PDS5B: variants seen among roughly 807,000 people sequenced by gnomAD.
The protein encoded by PDS5B is PDS5 cohesin associated factor B.
Under a neutral mutation model 184.1 loss-of-function variants are expected in PDS5B, and 51 were observed. The ratio of observed to expected loss-of-function variants is 0.28; its 90% CI spans 0.22 to 0.35. The LOEUF is 0.35. PDS5B is among the 10% of genes least tolerant of loss of function. The probability of loss-of-function intolerance (pLI) is 1.00; values close to 1 mark genes in which losing one functional copy is unlikely to be tolerated. For synonymous variants in PDS5B, 566 were observed against 569.2 expected (o/e 0.99, Z 0.08); for missense variants, 1,180 against 1,723.3 (o/e 0.68, Z 5.58).
At chr13:32,632,022 A>G (rs947493458) in intron 1 of PDS5B, among the ~76,000 whole-genome samples, 4 of 152,218 alleles carry the variant, frequency 2.6e-5, no homozygotes, top group Admixed American at 2.6e-4. Context: ...ATGCAAAAGA[A>G]TTAAGTTGGA....
intron 3 of PDS5B, 98 bp from the exon 4 acceptor site, chr13:32,658,141 A>T (rs1950563056): frequency 1.8e-5 from 11 of 611,704 alleles, no homozygotes. Context: ...GTTTATTATG[A>T]TATGTACACA....
At chr13:32,692,047 A>G (rs188664601) in intron 13 of PDS5B, among the ~76,000 whole-genome samples, 1 of 152,208 alleles carries the variant, frequency 6.6e-6, no homozygotes, top group Admixed American at 6.6e-5. Flanking sequence ...TCCTGAAGTC[A>G]TTTGAATATA....
At chr13:32,688,282 C>G (rs1159473301) in intron 12 of PDS5B, among the ~76,000 whole-genome samples, 174 bp from the exon 13 acceptor site, 1 of 151,874 alleles carries the variant, frequency 6.6e-6, no homozygotes, top group Non-Finnish European at 1.5e-5. Context: ...CAGCTAAATC[C>G]TGTTTTGGTC....
At chr13:32,631,682 A>T (rs1343926928) in intron 1 of PDS5B, among the ~76,000 whole-genome samples, 1 of 152,220 alleles carries the variant, frequency 6.6e-6, no homozygotes, top group African/African-American at 2.4e-5. Context: ...TTTTTTGTGA[A>T]AATTAGGAGT....
rs779507292 is a variant in PDS5B at position 32,683,869 on chromosome 13, A to T, written c.1058-9A>T. On this transcript the variant is annotated splice_polypyrimidine_tract_variant and intron_variant, in intron 10 of 34. Coordinates refer to ENST00000315596, the MANE Select transcript of PDS5B (RefSeq NM_015032.4). ...AAAATTTCCACTGTAATAAAATGTT[A>T]TCTTTCAGAGTATCTTAAAGTGAGG... 8 of 1,566,844 alleles carry T rather than the reference A, an allele frequency of 5.1e-6. No individual in the cohort carries two copies. In the African/African-American group the frequency reaches 9.5e-5, roughly 19 times the overall value.
rs771073580 is a variant in PDS5B, at chr13:32,635,622, G to A, written c.-19-13132G>A. Among the ~76,000 whole-genome samples, 12 of 152,018 alleles carry A rather than the reference G, an allele frequency of 7.9e-5. No homozygotes were observed. In the South Asian group the frequency reaches 8.3e-4, roughly 11 times the overall value. Reference sequence around the variant, plus strand: ...CTCCCAAAGTGCTGGGATTACAGGCGTGAGCCACTGTGCCTGGCCTGGCCT... The same window carrying A: ...CTCCCAAAGTGCTGGGATTACAGGCATGAGCCACTGTGCCTGGCCTGGCCT... On this transcript the variant is annotated intron_variant, in intron 1 of 34. Transcript: ENST00000315596.
chr13:32,596,547 A>G (rs895339189), intron 1 of PDS5B, among the ~76,000 whole-genome samples: 2 of 152,196 alleles, frequency 1.3e-5, no homozygotes, highest in African/African-American at 4.8e-5. Context: ...TTGTAGGCAT[A>G]TGTGTGTTTA....
At position 32,710,096 on chromosome 13, in the gene PDS5B, C is replaced by T; in HGVS notation, c.2113C>T (p.His705Tyr). 6.7e-7 allele frequency: 1 copy of T among 1,500,236 alleles called. No homozygotes were observed. Among genetic ancestry groups the T allele is most frequent in the Non-Finnish European group, 9.0e-7 (1 of 1,110,158 alleles). 92.9% of individuals were successfully genotyped at this position (1,500,236 alleles called of 1,614,324 possible). A position where few individuals can be genotyped will look rare whatever the true frequency, so the allele number is the denominator to read the frequency against. ...TGSKIEEDFP[H>Y]IRSALLPVLH... ...AAGCAAAATTGAAGAGGATTTTCCA[C>T]ACATCAGATCGTGAGTTGAGTTTAT... Residue 705 changes from histidine to tyrosine, a missense_variant, in exon 19 of 35, where the codon CAC (histidine) becomes TAC (tyrosine). His to Tyr is a moderately conservative substitution (Grantham distance 83, BLOSUM62 2). Coordinates refer to ENST00000315596, the MANE Select transcript of PDS5B (RefSeq NM_015032.4).
At chr13:32,601,124 C>T (rs2057967555) in intron 1 of PDS5B, among the ~76,000 whole-genome samples, 1 of 152,178 alleles carries the variant, frequency 6.6e-6, no homozygotes, top group African/African-American at 2.4e-5. Flanking sequence ...ATCTCCTCCA[C>T]TATACTTCCC....
intron 19 of PDS5B, among the ~76,000 whole-genome samples, chr13:32,719,294 C>A (rs1332916834): frequency 6.6e-6 from 1 of 152,082 alleles, no homozygotes; most frequent in South Asian, 2.1e-4. Context: ...TCAGTCCCCC[C>A]ACCTCAGCCT....
chr13:32,687,382 C>T, intron 12 of PDS5B, 97 bp downstream of exon 12: 1 of 902,560 alleles, frequency 1.1e-6, no homozygotes, highest in Non-Finnish European at 1.6e-6. Flanking sequence ...CCTTACACTC[C>T]TTCCTCAGTT....
chr13:32,697,099 T>C (rs1951728792), intron 15 of PDS5B, among the ~76,000 whole-genome samples, 197 bp downstream of exon 15: 1 of 152,204 alleles, frequency 6.6e-6, no homozygotes, highest in Non-Finnish European at 1.5e-5. Flanking sequence ...GAAATCATCA[T>C]GTAAACTTAT....
At chr13:32,726,388 C>G (rs1241995088) in intron 19 of PDS5B, among the ~76,000 whole-genome samples, 2 of 152,160 alleles carry the variant, frequency 1.3e-5, no homozygotes, top group African/African-American at 4.8e-5. Flanking sequence ...GTATTACAGT[C>G]TTTCAGTGAA....
At chr13:32,713,500 A>G (rs532757715) in intron 19 of PDS5B, among the ~76,000 whole-genome samples, 1 of 152,330 alleles carries the variant, frequency 6.6e-6, no homozygotes, top group East Asian at 1.9e-4. Context: ...AAAATGAAGT[A>G]ATACATGAAA....
intron 19 of PDS5B, among the ~76,000 whole-genome samples, chr13:32,716,075 C>T (rs1952394494): frequency 6.6e-6 from 1 of 151,994 alleles, no homozygotes; most frequent in South Asian, 2.1e-4. Context: ...CTCTGCCCGG[C>T]CACCACCCCG....
chr13:32,727,187 A>G (rs1952932953), intron 19 of PDS5B, among the ~76,000 whole-genome samples: 2 of 152,144 alleles, frequency 1.3e-5, no homozygotes, highest in South Asian at 4.1e-4. Context: ...CTATTGGTTT[A>G]TCTACATCCA....
chr13:32,715,632 T>TCTCC (rs1395810450), intron 19 of PDS5B, among the ~76,000 whole-genome samples: 2 of 151,812 alleles, frequency 1.3e-5, no homozygotes, highest in African/African-American at 4.8e-5. Flanking sequence ...TAGCTCTCCC[T>TCTCC]CTCCCTCTCC....
intron 21 of PDS5B, among the ~76,000 whole-genome samples, chr13:32,739,913 T>C (rs1195404975): frequency 6.6e-6 from 1 of 152,178 alleles, no homozygotes. Context: ...TGTGGCTTTA[T>C]TATTTATAAA....
Position 32,699,841 on chromosome 13 carries a change from G to A in PDS5B, c.1712G>A (p.Cys571Tyr). ...KQLEVLVSPTCSCKQAEGCVR... is the reference protein window; with the variant it reads ...KQLEVLVSPTYSCKQAEGCVR... ...TTAGAAGTACTTGTTAGTCCAACAT[G>A]CTCCTGCAAGCAGGCTGAAGGTTGT... is the stretch of plus-strand genomic sequence containing the variant. Residue 571 changes from cysteine to tyrosine, a missense_variant, in exon 16 of 35, where the codon TGC (cysteine) becomes TAC (tyrosine). Physicochemically the swap from Cys to Tyr is radical, Grantham distance 194. This residue lies in a region of PDS5B where 475 missense variants were observed against 691.5 expected (regional missense o/e 0.69). Coordinates refer to ENST00000315596, the MANE Select transcript of PDS5B (RefSeq NM_015032.4). 4.4e-6 allele frequency: 7 copies of A among 1,573,284 alleles called. No individual in the cohort carries two copies. Among genetic ancestry groups the A allele is most frequent in the Non-Finnish European group, 6.0e-6 (7 of 1,164,320 alleles).
Sources: gnomAD v4.1 joint callset for allele counts (sites outside exome capture counted in the v4.1 genomes callset) on GRCh38, gnomAD v4.1.1 for gene constraint, gnomAD v4.1.1 regional missense constraint, MANE v1.5 for transcripts, NCBI Gene and HGNC (gene_info 2026-07-23, HGNC 2026-07-21) for gene names.